AGMO: variants seen among roughly 807,000 people sequenced by gnomAD.
AGMO encodes the protein alkylglycerol monooxygenase.
In AGMO, 75 loss-of-function variants were observed where a neutral mutation model predicts 60.2. That is an observed-to-expected ratio of 1.25 (90% CI 1.03 to 1.51). The LOEUF is 1.51. AGMO is among the 40% of genes most tolerant of loss of function. The probability of loss-of-function intolerance (pLI) is 0.00; values close to 1 mark genes in which losing one functional copy is unlikely to be tolerated. For synonymous variants in AGMO, 261 were observed against 177.1 expected (o/e 1.47, Z -3.76); for missense variants, 763 against 525.5 (o/e 1.45, Z -4.42).
At chr7:15,414,231 C>T (rs574355104) in intron 5 of AGMO, among the ~76,000 whole-genome samples, 8 of 151,978 alleles carry the variant, frequency 5.3e-5, no homozygotes, top group Non-Finnish European at 1.2e-4. Context: ...GATCTCCTGA[C>T]CTCATGATCC....
chr7:15,117,315 A>C, the AGMO span, among the ~76,000 whole-genome samples: 5 of 152,116 alleles, frequency 3.3e-5, no homozygotes, highest in South Asian at 1.0e-3. Context: ...AGAGGACTTT[A>C]TTAGGATCAT....
At chr7:15,386,287 A>T (rs1385268183) in intron 9 of AGMO, among the ~76,000 whole-genome samples, 1 of 152,180 alleles carries the variant, frequency 6.6e-6, no homozygotes, top group Non-Finnish European at 1.5e-5. Context: ...TTTATTGGAA[A>T]CTTTGGAGAA....
At chr7:15,293,027 T>A (rs1305979696) in intron 12 of AGMO, among the ~76,000 whole-genome samples, 1 of 152,030 alleles carries the variant, frequency 6.6e-6, no homozygotes, top group Non-Finnish European at 1.5e-5. Context: ...CCTCCCAAAG[T>A]GCTGGGATTA....
chr7:15,248,567 A>G (rs778712815), intron 12 of AGMO, among the ~76,000 whole-genome samples: 18 of 152,098 alleles, frequency 1.2e-4, no homozygotes, highest in Non-Finnish European at 2.1e-4. Flanking sequence ...TTCAAAAGAA[A>G]TTTCTACCTG....
intron 8 of AGMO, among the ~76,000 whole-genome samples, chr7:15,387,768 T>G (rs1032270870): frequency 6.6e-6 from 1 of 152,160 alleles, no homozygotes; most frequent in Non-Finnish European, 1.5e-5. Context: ...AATAAAATTA[T>G]AATTTTGAAA....
At chr7:15,354,713 G>C (rs369776834) in intron 12 of AGMO, among the ~76,000 whole-genome samples, 1 of 150,086 alleles carries the variant, frequency 6.7e-6, no homozygotes, top group African/African-American at 2.4e-5. Context: ...AGTTAAGAAA[G>C]AAGAAGAAAT....
chr7:15,460,137 T>G (rs1337134178), intron 3 of AGMO, among the ~76,000 whole-genome samples: 16 of 150,766 alleles, frequency 1.1e-4, no homozygotes, highest in African/African-American at 3.9e-4. Flanking sequence ...GAAGGTGTCT[T>G]GCTCTGTCCC....
At chr7:15,349,787 G>C (rs1460018916) in intron 12 of AGMO, among the ~76,000 whole-genome samples, 2 of 152,144 alleles carry the variant, frequency 1.3e-5, no homozygotes, top group African/African-American at 4.8e-5. Context: ...TGGGTGTCAA[G>C]TGAAGTGGGG....
chr7:15,379,126 A>C (rs1026662431), intron 10 of AGMO, among the ~76,000 whole-genome samples: 1 of 152,086 alleles, frequency 6.6e-6, no homozygotes, highest in Non-Finnish European at 1.5e-5. Flanking sequence ...AGGCAGTGTT[A>C]AGAGAGAAAT....
At chr7:15,317,410 G>A (rs1246317647) in intron 12 of AGMO, among the ~76,000 whole-genome samples, 2 of 151,986 alleles carry the variant, frequency 1.3e-5, no homozygotes, top group African/African-American at 2.4e-5. Context: ...AAATAAACAC[G>A]GACTAGAATA....
chr7:15,344,148 A>C (rs2128550854), intron 12 of AGMO, among the ~76,000 whole-genome samples: 1 of 152,316 alleles, frequency 6.6e-6, no homozygotes, highest in South Asian at 2.1e-4. Context: ...TATTTTTGGT[A>C]ACTGATATAC....
At chr7:15,496,710 G>A (rs58646008) in intron 3 of AGMO, among the ~76,000 whole-genome samples, 1 of 151,998 alleles carries the variant, frequency 6.6e-6, no homozygotes, top group Non-Finnish European at 1.5e-5. Flanking sequence ...AACTTTTCTG[G>A]TTTATTGAAA....
At chr7:15,551,939 C>A (rs1197777499) in intron 2 of AGMO, among the ~76,000 whole-genome samples, 2 of 151,330 alleles carry the variant, frequency 1.3e-5, no homozygotes, top group Non-Finnish European at 3.0e-5. Context: ...GCTACAGTAA[C>A]CAAAACAGCA....
chr7:15,322,524 A>G lies in AGMO; in HGVS notation c.1263+42990T>C, dbSNP rs1217162009. ...TATATAAATATATATATAAATATATATAAATATATAAATATATATATAAAT... is the reference window on the plus strand; with the variant it reads ...TATATAAATATATATATAAATATATGTAAATATATAAATATATATATAAAT... On this transcript the variant is annotated intron_variant, in intron 12 of 12. Coordinates refer to ENST00000342526, the MANE Select transcript of AGMO (RefSeq NM_001004320.2). Among the ~76,000 whole-genome samples the G allele has an allele frequency of 9.5e-4, 82 of 86,358 alleles. 2 individuals carry two copies. The highest frequency in any genetic ancestry group is 4.8e-3 in the African/African-American group (79 of 16,628). The allele number at this position is 86,358 out of a possible 152,430, so 56.7% of individuals were successfully genotyped here. A position where few individuals can be genotyped will look rare whatever the true frequency, so the allele number is the denominator to read the frequency against.
At chr7:15,348,327 A>G (rs1307026636) in intron 12 of AGMO, among the ~76,000 whole-genome samples, 1 of 152,056 alleles carries the variant, frequency 6.6e-6, no homozygotes, top group African/African-American at 2.4e-5. Flanking sequence ...ACTACTTAAA[A>G]TGATCCTGGC....
chr7:15,526,162 G>A (rs1784124341), intron 3 of AGMO, among the ~76,000 whole-genome samples: 2 of 152,154 alleles, frequency 1.3e-5, no homozygotes, highest in East Asian at 1.9e-4. Flanking sequence ...CTCCTGCAGC[G>A]AACCCGGGTG....
At chr7:15,140,066 C>G in the AGMO span, among the ~76,000 whole-genome samples, 1 of 150,254 alleles carries the variant, frequency 6.7e-6, no homozygotes, top group Admixed American at 6.6e-5. Flanking sequence ...TATATATTAA[C>G]TATAGGAAAT....
intron 12 of AGMO, among the ~76,000 whole-genome samples, chr7:15,259,970 T>C (rs968790153): frequency 1.0e-5 from 1 of 96,444 alleles, no homozygotes; most frequent in African/African-American, 4.1e-5. Context: ...AGGTTCAAGA[T>C]AGAACCTCCT....
rs372453571 is a variant in AGMO at position 15,540,279 on chromosome 7, C to T, written c.409+4493G>A. ...TGGAACTCTGTTGGTGACAGAGAAA[C>T]TTACTAAATAGAGTATATAGATCCC... On this transcript the variant is annotated intron_variant, in intron 3 of 12. Coordinates refer to ENST00000342526, the MANE Select transcript of AGMO (RefSeq NM_001004320.2). 4.5e-4 allele frequency among the ~76,000 whole-genome samples: 68 copies of T among 152,282 alleles called. 1 individual carries two copies. Among genetic ancestry groups the T allele is most frequent in the African/African-American group, 1.6e-3 (67 of 41,548 alleles).
Sources: allele counts gnomAD v4.1 joint callset (sites outside exome capture counted in the v4.1 genomes callset), GRCh38; gene constraint gnomAD v4.1.1; transcripts MANE v1.5; gene names NCBI Gene and HGNC (gene_info 2026-07-23, HGNC 2026-07-21).